PLA2G4C: variants seen among roughly 807,000 people sequenced by gnomAD.
PLA2G4C encodes the protein phospholipase A2 group IVC.
PLA2G4C carries 64 observed loss-of-function variants against 73.8 expected under a neutral mutation model. That is an observed-to-expected ratio of 0.87 (90% CI 0.71 to 1.07). PLA2G4C has a LOEUF of 1.07. Among genes scored for constraint, PLA2G4C ranks in the 50% least tolerant of loss-of-function variants. PLA2G4C has a pLI of 0.00. For synonymous variants in PLA2G4C, 254 were observed against 252.1 expected, an observed-to-expected ratio of 1.01 and a Z score of -0.07; for missense variants, 622 against 665.4, an observed-to-expected ratio of 0.93 and a Z score of 0.72.
intron 7 of PLA2G4C, among the ~76,000 whole-genome samples, chr19:48,092,068 A>T (rs1295869090): frequency 2.8e-5 from 4 of 144,148 alleles, no homozygotes; most frequent in South Asian, 2.2e-4. Flanking sequence ...CAAAAAAAAA[A>T]TTTTTTTTTT....
chr19:48,084,679 A>G (rs1370405151), intron 10 of PLA2G4C, among the ~76,000 whole-genome samples: 1 of 152,202 alleles, frequency 6.6e-6, no homozygotes, highest in Non-Finnish European at 1.5e-5. Context: ...ATGTTTACTG[A>G]GTGCCTTTAT....
chr19:48,048,192 G>A lies in PLA2G4C; in HGVS notation c.*151C>T. 1.6e-6 allele frequency: 1 copy of A among 609,096 alleles called. No homozygotes were observed. The highest frequency in any genetic ancestry group is 2.0e-5 in the South Asian group (1 of 49,030). The allele number at this position is 609,096 out of a possible 1,614,324, so 37.7% of individuals were successfully genotyped here. ...ACGCTATCAAAATCACAGTCTAGCT[G>A]GTCACTGGTGATTGGCCCTGTTAGG... On this transcript the variant is annotated 3_prime_UTR_variant, in exon 17 of 17. Coordinates refer to ENST00000599921, the MANE Select transcript of PLA2G4C (RefSeq NM_003706.3).
chr19:48,062,096 C>T lies in PLA2G4C; in HGVS notation c.1159G>A (p.Gly387Ser), dbSNP rs1233694818. 2 of 1,611,146 alleles carry T rather than the reference C, an allele frequency of 1.2e-6. No homozygotes were observed. The highest frequency in any genetic ancestry group is 2.7e-5 in the African/African-American group (2 of 74,764). ...SRKHLHLVDA[G>S]LAINTPFPLV... ...GGGAAGGGAGTGTTGATGGCTAAAC[C>T]AGCATCCACCAGGTGGAGGTGCTTC... Residue 387 changes from glycine to serine, a missense_variant, in exon 14 of 17, where the codon GGT becomes AGT. Physicochemically the swap from Gly to Ser is moderately conservative, Grantham distance 56 (BLOSUM62 0). Transcript: ENST00000599921.
chr19:48,057,483 CTT>C lies in PLA2G4C; in HGVS notation c.1258-2436_1258-2435del, dbSNP rs1171271257. Among the ~76,000 whole-genome samples the C allele has an allele frequency of 4.5e-4, 8 of 17,922 alleles. No individual in the cohort carries two copies. The East Asian group carries it at 0.013, about 28-fold the overall frequency. 11.8% of individuals were successfully genotyped at this position (17,922 alleles called of 152,430 possible). ...TCTTCTTCTTCTTCTTCTTCTTCTTCTTTTTTTTTTTTTTTTTTTTTTTTTTG... is the reference window on the plus strand; with the variant it reads ...TCTTCTTCTTCTTCTTCTTCTTCTTCTTTTTTTTTTTTTTTTTTTTTTTTG... On this transcript the variant is annotated intron_variant, in intron 14 of 16. Transcript: ENST00000599921.
intron 10 of PLA2G4C, among the ~76,000 whole-genome samples, chr19:48,078,205 A>G (rs939360455): frequency 6.6e-6 from 1 of 152,212 alleles, no homozygotes; most frequent in African/African-American, 2.4e-5. Context: ...TCGGTATACA[A>G]GAGACATACT....
At chr19:48,061,704 G>C (rs988936108) in intron 14 of PLA2G4C, 7 of 382,826 alleles carry the variant, frequency 1.8e-5, no homozygotes, top group African/African-American at 1.5e-4. Context: ...GAGCTAGGCT[G>C]TTGCAGTTCA....
At chr19:48,091,756 G>T (rs917078357) in intron 7 of PLA2G4C, among the ~76,000 whole-genome samples, 1 of 151,790 alleles carries the variant, frequency 6.6e-6, no homozygotes, top group African/African-American at 2.4e-5. Flanking sequence ...CAGGCCTGGT[G>T]GTATGCACCT....
chr19:48,078,344 A>T (rs900882980), intron 10 of PLA2G4C, among the ~76,000 whole-genome samples: 1 of 152,194 alleles, frequency 6.6e-6, no homozygotes, highest in Non-Finnish European at 1.5e-5. Flanking sequence ...TGTATTCAAC[A>T]TAGTACTGGA....
chr19:48,099,340 G>C (rs1350134667), intron 5 of PLA2G4C, among the ~76,000 whole-genome samples: 1 of 152,014 alleles, frequency 6.6e-6, no homozygotes, highest in Non-Finnish European at 1.5e-5. Flanking sequence ...GGAGAGGAAA[G>C]TTGTCTTGGG....
intron 1 of PLA2G4C, among the ~76,000 whole-genome samples, 166 bp downstream of exon 1, chr19:48,110,321 A>G (rs1481247288): frequency 6.6e-6 from 1 of 151,648 alleles, no homozygotes; most frequent in Non-Finnish European, 1.5e-5. Context: ...ACTCCAGCCT[A>G]GGCGACAGAG....
chr19:48,106,938 G>A (rs1159197488), intron 1 of PLA2G4C, among the ~76,000 whole-genome samples: 4 of 151,990 alleles, frequency 2.6e-5, no homozygotes, highest in East Asian at 1.9e-4. Context: ...TCCGCCTCCC[G>A]GGTTCAAGCG....
chr19:48,086,043 G>T (rs11564583), intron 9 of PLA2G4C, among the ~76,000 whole-genome samples: 2 of 152,182 alleles, frequency 1.3e-5, no homozygotes, highest in African/African-American at 4.8e-5. Flanking sequence ...CCCCCAGCTG[G>T]GTTTCATGAG....
intron 1 of PLA2G4C, among the ~76,000 whole-genome samples, chr19:48,107,594 A>G (rs2032298459): frequency 6.6e-6 from 1 of 152,092 alleles, no homozygotes; most frequent in African/African-American, 2.4e-5. Context: ...CAGTGCCTAG[A>G]GACCAGGAAA....
chr19:48,097,980 C>T, intron 6 of PLA2G4C, 159 bp downstream of exon 6: 1 of 729,762 alleles, frequency 1.4e-6, no homozygotes, highest in Non-Finnish European at 2.2e-6. Context: ...TCTGGGACTT[C>T]CCTCTTCTCT....
intron 14 of PLA2G4C, among the ~76,000 whole-genome samples, chr19:48,055,687 C>G (rs1349588645): frequency 6.6e-6 from 1 of 152,084 alleles, no homozygotes; most frequent in Admixed American, 6.6e-5. Context: ...GTTGCCCAGG[C>G]TGGAGTGCAA....
Position 48,067,866 on chromosome 19 carries a change from C to T in PLA2G4C, c.1027G>A (p.Asp343Asn), listed in dbSNP as rs987867184. The T allele has an allele frequency of 1.2e-6, 2 of 1,613,506 alleles. No homozygotes were observed. Among genetic ancestry groups the T allele is most frequent in the Non-Finnish European group, 1.7e-6 (2 of 1,179,532 alleles). The change falls in exon 13 of 17, where the codon GAT (aspartate) becomes AAT (asparagine). Residue 343 changes from aspartate to asparagine, a missense_variant. Coordinates refer to ENST00000599921, the MANE Select transcript of PLA2G4C (RefSeq NM_003706.3). ...CAAATGCCTGTTTTCTTCACAAAAT[C>T]CATCAAGTTACTGAGTGAGCCTAGG... is the stretch of plus-strand genomic sequence containing the variant. ...ERKGSLSNLM[D>N]FVKKTGICAS...
chr19:48,089,550 A>T (rs1408732506), intron 8 of PLA2G4C, among the ~76,000 whole-genome samples: 2 of 152,230 alleles, frequency 1.3e-5, no homozygotes, highest in Admixed American at 1.3e-4. Flanking sequence ...CCTAAAAATA[A>T]GATTAACATG....
In PLA2G4C at chr19:48,085,117, C is replaced by G. The variant is rs367932338; in HGVS notation, c.791-5G>C. 3.7e-6 allele frequency: 6 copies of G among 1,605,050 alleles called. No individual in the cohort carries two copies. The South Asian group carries it at 4.4e-5, about 12-fold the overall frequency. The stretch of plus-strand genomic sequence containing the variant: ...CAACAGCCCTTCTCCATAAACCTGC[C>G]AAGAAAATAGCAATAAAATTCAAAC... On this transcript the variant is annotated splice_polypyrimidine_tract_variant and splice_region_variant and intron_variant, in intron 9 of 16. Coordinates refer to ENST00000599921, the MANE Select transcript of PLA2G4C (RefSeq NM_003706.3).
At chr19:48,058,299 CAA>C (rs111652479) in intron 14 of PLA2G4C, among the ~76,000 whole-genome samples, 1 of 138,488 alleles carries the variant, frequency 7.2e-6, no homozygotes. Flanking sequence ...AACTCCGTCT[CAA>C]AAAAAAAAAA....
Sources: gnomAD v4.1 joint callset for allele counts (sites outside exome capture counted in the v4.1 genomes callset) on GRCh38, gnomAD v4.1.1 for gene constraint, MANE v1.5 for transcripts, NCBI Gene and HGNC (gene_info 2026-07-23, HGNC 2026-07-21) for gene names.